KLHL31: variants seen among roughly 807,000 people sequenced by gnomAD.
KLHL31 encodes the protein kelch-like protein 31.
Under a neutral mutation model 47.1 loss-of-function variants are expected in KLHL31, and 32 were observed. That is an observed-to-expected ratio of 0.68 (90% confidence interval 0.51 to 0.91). The LOEUF (loss-of-function observed/expected upper bound fraction) is 0.91, where lower values mean the gene tolerates loss of function less well. KLHL31 is among the 40% of genes least tolerant of loss of function. The pLI is 0.00. For synonymous variants in KLHL31, 330 were observed against 325.1 expected, an observed-to-expected ratio of 1.01 and a Z score of -0.16; for missense variants, 797 against 819.3, an observed-to-expected ratio of 0.97 and a Z score of 0.33.
At chr6:53,661,222 A>G (rs1281539413) in intron 1 of KLHL31, among the ~76,000 whole-genome samples, 1 of 152,210 alleles carries the variant, frequency 6.6e-6, no homozygotes, top group Non-Finnish European at 1.5e-5. Context: ...AGAATCAATA[A>G]GCCACATCTT....
At chr6:53,655,894 A>G (rs976233515) in intron 1 of KLHL31, among the ~76,000 whole-genome samples, 15 of 152,174 alleles carry the variant, frequency 9.9e-5, no homozygotes, top group Admixed American at 9.8e-4. Context: ...GATGTGAGCC[A>G]CTATACCCAA....
In KLHL31 at chr6:53,651,399, T is replaced by TA. The variant is rs759076475; in HGVS notation, c.*198dup. 0.011 allele frequency: 764 copies of TA among 67,454 alleles called. 46 individuals are homozygous for TA. The highest frequency in any genetic ancestry group is 0.051 in the African/African-American group (666 of 12,950). 4.2% of individuals were successfully genotyped at this position (67,454 alleles called of 1,614,324 possible). On this transcript the variant is annotated 3_prime_UTR_variant, in exon 3 of 3. Coordinates refer to ENST00000370905, the MANE Select transcript of KLHL31 (RefSeq NM_001003760.5). ...TGTTGGCCATTGCCCTGTATTTTGCTAAAAAAAAAAAAAAAAAAAAGAGGT... is the reference window on the plus strand; with the variant it reads ...TGTTGGCCATTGCCCTGTATTTTGCTAAAAAAAAAAAAAAAAAAAAAGAGGT...
Position 53,650,039 on chromosome 6 carries a change from A to T in KLHL31, c.*1559T>A, listed in dbSNP as rs2127366960. The T allele has an allele frequency of 6.6e-6, 1 of 152,346 alleles. No homozygotes were observed. Among genetic ancestry groups the T allele is most frequent in the African/African-American group, 2.4e-5 (1 of 41,588 alleles). The allele number at this position is 152,346 out of a possible 1,614,324, so 9.4% of individuals were successfully genotyped here. ...ATATGAACCACTTTTCACAGTTCAA[A>T]TAACATATTTTAGAAATAAATATCA... On this transcript the variant is annotated 3_prime_UTR_variant, in exon 3 of 3. Coordinates refer to ENST00000370905, the MANE Select transcript of KLHL31 (RefSeq NM_001003760.5).
rs115408188 is a variant in KLHL31 at position 53,651,645 on chromosome 6, G to T, written c.1858C>A (p.Arg620=). Residue 620 remains arginine, a synonymous_variant, in exon 3 of 3, where the codon CGG becomes AGG. Coordinates refer to ENST00000370905, the MANE Select transcript of KLHL31 (RefSeq NM_001003760.5). ...GATACCGAACTGGCCCGGGATTCCCGAGTCACGTTGTTGGGCATCGAGAGG... is the reference window on the plus strand; with the variant it reads ...GATACCGAACTGGCCCGGGATTCCCTAGTCACGTTGTTGGGCATCGAGAGG... The part of the protein sequence containing the change: ...CTLSMPNNVT[R]ESRASSVSSV... The T allele has an allele frequency of 3.5e-4, 571 of 1,614,124 alleles. 2 individuals carry two copies. In the African/African-American group the frequency reaches 6.8e-3, roughly 19 times the overall value.
chr6:53,652,243 G>T lies in KLHL31; in HGVS notation c.1260C>A (p.Leu420=). 1 of 1,614,026 alleles carries T rather than the reference G, an allele frequency of 6.2e-7. No individual in the cohort carries two copies. The highest frequency in any genetic ancestry group is 8.5e-7 in the Non-Finnish European group (1 of 1,180,042). ...THFSLSVFNG[L]VYAAGGRNAE... Reference sequence around the variant, plus strand: ...CGTTGCGGCCGCCCGCGGCGTACACGAGCCCGTTGAACACGCTCAGGCTGA... The same window carrying T: ...CGTTGCGGCCGCCCGCGGCGTACACTAGCCCGTTGAACACGCTCAGGCTGA... Residue 420 remains leucine, a synonymous_variant, in exon 3 of 3, where the codon CTC becomes CTA. Transcript: ENST00000370905.
Position 53,660,256 on chromosome 6 carries a change from G to GA in KLHL31, c.-33-4952dup, listed in dbSNP as rs1247775639. Among the ~76,000 whole-genome samples the GA allele has an allele frequency of 2.0e-5, 3 of 151,946 alleles. No homozygotes were observed. In the East Asian group the frequency reaches 5.8e-4, roughly 29 times the overall value. ...TGAATATACCATGTGCATTTCAGAA[G>GA]AATTTGTATTCTGCAGTTGTTGGGT... On this transcript the variant is annotated intron_variant, in intron 1 of 2. Coordinates refer to ENST00000370905, the MANE Select transcript of KLHL31 (RefSeq NM_001003760.5).
chr6:53,648,000 T>C lies in KLHL31; in HGVS notation c.*3598A>G, dbSNP rs1764418395. On this transcript the variant is annotated 3_prime_UTR_variant, in exon 3 of 3. Coordinates refer to ENST00000370905, the MANE Select transcript of KLHL31 (RefSeq NM_001003760.5). ...ACATTTTAGTTTGTTGTTCCTTATA[T>C]AGTACCAGAATGTTTTAAGCAAAGA... The C allele has an allele frequency of 6.6e-6, 1 of 152,622 alleles. No homozygotes were observed. Among genetic ancestry groups the C allele is most frequent in the Non-Finnish European group, 1.5e-5 (1 of 68,028 alleles). 9.5% of individuals were successfully genotyped at this position (152,622 alleles called of 1,614,324 possible).
Position 53,652,064 on chromosome 6 carries a change from G to A in KLHL31, c.1439C>T (p.Ser480Leu). Residue 480 changes from serine (S) to leucine (L), a missense_variant, in exon 3 of 3, where the codon TCG becomes TTG. Coordinates refer to ENST00000370905, the MANE Select transcript of KLHL31 (RefSeq NM_001003760.5). Reference protein sequence around the residue: ...VTGGYIANAYSRSVCAYDPAS... With the variant: ...VTGGYIANAYLRSVCAYDPAS... ...CGGGTCGTAGGCGCACACAGAGCGCGAGTAGGCGTTGGCTATGTAGCCTCC... is the reference window on the plus strand; with the variant it reads ...CGGGTCGTAGGCGCACACAGAGCGCAAGTAGGCGTTGGCTATGTAGCCTCC... 1.3e-6 allele frequency: 2 copies of A among 1,596,442 alleles called. No individual in the cohort carries two copies. Among genetic ancestry groups the A allele is most frequent in the Non-Finnish European group, 8.5e-7 (1 of 1,176,622 alleles).
chr6:53,660,513 T>G (rs1764629378), intron 1 of KLHL31, among the ~76,000 whole-genome samples: 1 of 152,168 alleles, frequency 6.6e-6, no homozygotes, highest in Non-Finnish European at 1.5e-5. Flanking sequence ...CAGGAGACCA[T>G]TTAAGAAACT....
intron 1 of KLHL31, among the ~76,000 whole-genome samples, chr6:53,664,821 T>G (rs1764695963): frequency 6.6e-6 from 1 of 152,084 alleles, no homozygotes; most frequent in African/African-American, 2.4e-5. Flanking sequence ...CTGGCCACAT[T>G]CCTATCGCTG....
intron 1 of KLHL31, among the ~76,000 whole-genome samples, chr6:53,658,234 T>C (rs927926944): frequency 6.6e-6 from 1 of 151,734 alleles, no homozygotes; most frequent in Non-Finnish European, 1.5e-5. Context: ...GAGAAAATTT[T>C]GGGGGGAAAG....
chr6:53,661,413 C>G (rs1017285345), intron 1 of KLHL31, among the ~76,000 whole-genome samples: 5 of 152,064 alleles, frequency 3.3e-5, no homozygotes, highest in African/African-American at 1.2e-4. Flanking sequence ...AAACACACAC[C>G]CACCCAGACA....
At position 53,648,832 on chromosome 6, in the gene KLHL31, T is replaced by A. The variant is rs1771895249; in HGVS notation, c.*2766A>T. 2.0e-5 allele frequency: 3 copies of A among 152,216 alleles called. No individual in the cohort carries two copies. Among genetic ancestry groups the A allele is most frequent in the Admixed American group, 2.0e-4 (3 of 15,276 alleles). 9.4% of individuals were successfully genotyped at this position (152,216 alleles called of 1,614,324 possible). ...GTTAAAGTTTGGCTTCCTGGAGACT[T>A]TCTCATCAGGTCTCTGGCCCATTTA... On this transcript the variant is annotated 3_prime_UTR_variant, in exon 3 of 3. Coordinates refer to ENST00000370905, the MANE Select transcript of KLHL31 (RefSeq NM_001003760.5).
At position 53,652,009 on chromosome 6, in the gene KLHL31, G is replaced by A. The variant is rs768641367; in HGVS notation, c.1494C>T (p.Asn498=). Residue 498 remains asparagine, a synonymous_variant, in exon 3 of 3, where the codon AAC becomes AAT. Transcript: ENST00000370905. The part of the protein sequence containing the change: ...PASDSWQELP[N]LSTPRGWHCA... ...AGTGCCAGCCCCGGGGTGTGCTGAG[G>A]TTCGGCAGCTCCTGCCACGAGTCGC... 4.2e-5 allele frequency: 67 copies of A among 1,591,790 alleles called. No individual in the cohort carries two copies. Among genetic ancestry groups the A allele is most frequent in the Non-Finnish European group, 5.4e-5 (64 of 1,175,252 alleles).
intron 1 of KLHL31, among the ~76,000 whole-genome samples, chr6:53,662,672 G>GAAAC (rs1764664349): frequency 6.6e-6 from 1 of 152,180 alleles, no homozygotes; most frequent in Admixed American, 6.5e-5. Flanking sequence ...GGGCAGAAGG[G>GAAAC]TAACAGAGAT....
intron 1 of KLHL31, among the ~76,000 whole-genome samples, chr6:53,660,272 G>T (rs1764626279): frequency 6.6e-6 from 1 of 152,092 alleles, no homozygotes; most frequent in Non-Finnish European, 1.5e-5. Flanking sequence ...GTATTCTGCA[G>T]TTGTTGGGTG....
chr6:53,660,969 A>T (rs1764637149), intron 1 of KLHL31, among the ~76,000 whole-genome samples: 1 of 152,172 alleles, frequency 6.6e-6, no homozygotes, highest in Non-Finnish European at 1.5e-5. Context: ...CTGTCCATCT[A>T]CCCACCCAAG....
At chr6:53,662,010 G>C (rs2127370753) in intron 1 of KLHL31, among the ~76,000 whole-genome samples, 1 of 151,850 alleles carries the variant, frequency 6.6e-6, no homozygotes, top group East Asian at 1.9e-4. Flanking sequence ...CTTTTTAACG[G>C]AGTGAAGGTC....
At chr6:53,662,953 T>C (rs551700331) in intron 1 of KLHL31, among the ~76,000 whole-genome samples, 32 of 151,850 alleles carry the variant, frequency 2.1e-4, no homozygotes, top group African/African-American at 7.1e-4. Flanking sequence ...ATCGAGGGTG[T>C]ACTATGTGCT....
Sources: allele counts gnomAD v4.1 joint callset (sites outside exome capture counted in the v4.1 genomes callset), GRCh38; gene constraint gnomAD v4.1.1; transcripts MANE v1.5; gene names NCBI Gene and HGNC (gene_info 2026-07-23, HGNC 2026-07-21).